The following ADAMTS9 variants were observed in gnomAD, a reference collection of about 807,000 sequenced individuals.
ADAMTS9 encodes the protein ADAM metallopeptidase with thrombospondin type 1 motif 9.
Under a neutral mutation model 257.1 loss-of-function variants are expected in ADAMTS9, and 107 were observed. The observed-to-expected ratio is 0.42, with a 90% CI of 0.36 to 0.49. The LOEUF (loss-of-function observed/expected upper bound fraction) is 0.49, where lower values mean the gene tolerates loss of function less well. Among genes scored for constraint, ADAMTS9 ranks in the 20% least tolerant of loss-of-function variants. The pLI is 0.03. For synonymous variants in ADAMTS9, 982 were observed against 880.9 expected (o/e 1.11, Z -2.03); for missense variants, 2,353 against 2,469.1 (o/e 0.95, Z 1.00).
At chr3:64,652,683 G>A (rs1315072001) in intron 8 of ADAMTS9, among the ~76,000 whole-genome samples, 4 of 152,242 alleles carry the variant, frequency 2.6e-5, no homozygotes, top group African/African-American at 7.2e-5. Context: ...CTTATTGGAC[G>A]CTTACGAACG....
intron 16 of ADAMTS9, among the ~76,000 whole-genome samples, chr3:64,630,193 C>A (rs937019787): frequency 6.6e-6 from 1 of 152,150 alleles, no homozygotes; most frequent in African/African-American, 2.4e-5. Flanking sequence ...TGACTCTACT[C>A]TCCATGTCCT....
intron 3 of ADAMTS9, among the ~76,000 whole-genome samples, chr3:64,673,557 G>T (rs1427780654): frequency 6.6e-6 from 1 of 152,182 alleles, no homozygotes; most frequent in South Asian, 2.1e-4. Flanking sequence ...ACGATGAGTT[G>T]CAATGTGTGG....
chr3:64,687,742 G>C lies in ADAMTS9; in HGVS notation c.-85C>G. ...GCGGCGGCGACGCGAGGCAGCGGCC[G>C]TGGAGAGCGCGCGGAGCCCGGCGCC... On this transcript the variant is annotated 5_prime_UTR_variant, in exon 1 of 40. Transcript: ENST00000498707. The surrounding 1 kb of genome is among the most constrained non-coding windows in gnomAD (Gnocchi z 4.4). The C allele has an allele frequency of 8.9e-7, 1 of 1,122,612 alleles. No homozygotes were observed. The highest frequency in any genetic ancestry group is 1.9e-5 in the South Asian group (1 of 51,308). The allele number at this position is 1,122,612 out of a possible 1,614,324, so 69.5% of individuals were successfully genotyped here.
In ADAMTS9 at chr3:64,541,052, GAGA is replaced by G. The variant is rs749968958; in HGVS notation, c.5521+40_5521+42del. Reference sequence around the variant, plus strand: ...AAGACATGCTTGCTGTCTGAATGGAGAGAAGAACGCACACGTTCCCAAAGGACT... The same window carrying G: ...AAGACATGCTTGCTGTCTGAATGGAGAGAACGCACACGTTCCCAAAGGACT... On this transcript the variant is annotated intron_variant, in intron 36 of 39. Transcript: ENST00000498707. The G allele has an allele frequency of 7.5e-6, 12 of 1,609,432 alleles. No homozygotes were observed. The South Asian group carries it at 1.2e-4, about 16-fold the overall frequency.
chr3:64,644,866 C>T (rs1443944631), intron 11 of ADAMTS9, among the ~76,000 whole-genome samples: 2 of 152,178 alleles, frequency 1.3e-5, no homozygotes, highest in African/African-American at 2.4e-5. Context: ...GTAGGTTTAT[C>T]AGAGCGCTAC....
At chr3:64,682,890 T>C (rs1701793274) in intron 2 of ADAMTS9, among the ~76,000 whole-genome samples, 1 of 152,090 alleles carries the variant, frequency 6.6e-6, no homozygotes, top group Non-Finnish European at 1.5e-5. Context: ...CCTGGGAAGG[T>C]TTTTTGTTTT....
At chr3:64,634,454 G>A (rs1213761638) in intron 12 of ADAMTS9, among the ~76,000 whole-genome samples, 2 of 152,192 alleles carry the variant, frequency 1.3e-5, no homozygotes, top group Non-Finnish European at 2.9e-5. Flanking sequence ...TAATGGGAAT[G>A]TGTTCATATT....
At position 64,641,875 on chromosome 3, in the gene ADAMTS9, G is replaced by A. The variant is rs752246499; in HGVS notation, c.1829C>T (p.Thr610Ile). The change falls in exon 12 of 40, where the codon ACA becomes ATA. Residue 610 changes from threonine to isoleucine, a missense_variant. Physicochemically the swap from Thr to Ile is moderately conservative, Grantham distance 89. This residue lies in a region of ADAMTS9 where 360 missense variants were observed against 458.1 expected (regional missense o/e 0.79). Transcript: ENST00000498707. ...CSRTCGGGIKTAIRECNRPEP... is the reference protein window; with the variant it reads ...CSRTCGGGIKIAIRECNRPEP... ...TGGTCTGTTGCACTCTCGAATGGCT[G>A]TTTTGATGCCCCCTCCACATGTTCT... 42 of 1,613,998 alleles carry A rather than the reference G, an allele frequency of 2.6e-5. No homozygotes were observed. The African/African-American group carries it at 5.6e-4, about 22-fold the overall frequency.
chr3:64,668,467 G>A (rs138214712), intron 3 of ADAMTS9, among the ~76,000 whole-genome samples: 6 of 152,286 alleles, frequency 3.9e-5, no homozygotes, highest in South Asian at 2.1e-4. Flanking sequence ...AGAGAGACCC[G>A]TGTGTAAATC....
intron 38 of ADAMTS9, among the ~76,000 whole-genome samples, chr3:64,525,315 T>C (rs1309951078): frequency 1.3e-5 from 2 of 152,220 alleles, no homozygotes; most frequent in South Asian, 4.1e-4. Flanking sequence ...TCTTTAATTA[T>C]GGCCTCATAT....
intron 38 of ADAMTS9, among the ~76,000 whole-genome samples, chr3:64,527,785 C>T (rs1399563160): frequency 6.6e-6 from 1 of 152,038 alleles, no homozygotes; most frequent in Non-Finnish European, 1.5e-5. Flanking sequence ...GCATTTTACT[C>T]TACTGGTCTG....
chr3:64,673,997 G>C (rs1442889394), intron 3 of ADAMTS9, among the ~76,000 whole-genome samples: 1 of 151,808 alleles, frequency 6.6e-6, no homozygotes, highest in East Asian at 1.9e-4. Flanking sequence ...TGAATAAGTG[G>C]GAACAAATGA....
intron 16 of ADAMTS9, among the ~76,000 whole-genome samples, chr3:64,623,061 A>G (rs903126300): frequency 6.6e-6 from 1 of 152,172 alleles, no homozygotes; most frequent in Non-Finnish European, 1.5e-5. Flanking sequence ...AGATGTTGAA[A>G]TCTGAAAATC....
intron 18 of ADAMTS9, 72 bp from the exon 19 acceptor site, chr3:64,621,312 G>A: frequency 6.7e-7 from 1 of 1,494,628 alleles, no homozygotes; most frequent in Non-Finnish European, 9.0e-7. Context: ...CCCCGGATTG[G>A]CAAGCATTTT....
At chr3:64,551,430 C>T (rs566687448) in intron 30 of ADAMTS9, among the ~76,000 whole-genome samples, 10 of 152,170 alleles carry the variant, frequency 6.6e-5, no homozygotes, top group African/African-American at 2.2e-4. Flanking sequence ...AGGATGATCT[C>T]GATCTCCTGA....
At chr3:64,561,840 G>T in intron 29 of ADAMTS9, 89 bp from the exon 30 acceptor site, 1 of 1,141,156 alleles carries the variant, frequency 8.8e-7, no homozygotes. Flanking sequence ...GGAGGGGAAT[G>T]CACTCCTAAT....
intron 28 of ADAMTS9, among the ~76,000 whole-genome samples, chr3:64,576,660 A>G (rs927828366): frequency 1.3e-5 from 2 of 152,164 alleles, no homozygotes; most frequent in African/African-American, 4.8e-5. Context: ...TTGGCAGGGA[A>G]CACCAAGGAA....
chr3:64,519,791 A>G (rs529183500), intron 39 of ADAMTS9, among the ~76,000 whole-genome samples: 2 of 152,288 alleles, frequency 1.3e-5, no homozygotes, highest in African/African-American at 4.8e-5. Context: ...TCAAAAGAAC[A>G]TACCTCAAAA....
chr3:64,687,580 C>T lies in ADAMTS9; in HGVS notation c.78G>A (p.Ala26=). 1 of 1,573,590 alleles carries T rather than the reference C, an allele frequency of 6.4e-7. No individual in the cohort carries two copies. The change falls in exon 1 of 40, where the codon GCG becomes GCA. Residue 26 remains alanine (A), a synonymous_variant. Transcript: ENST00000498707. The surrounding 1 kb of genome is among the most constrained non-coding windows in gnomAD (Gnocchi z 4.4). ...DLAEMGSPDA[A]AAVRKDRLHP... is the part of the protein sequence containing the mutation. The stretch of plus-strand genomic sequence containing the variant: ...GCAGCCTGTCCTTGCGCACGGCCGC[C>T]GCGGCGTCTGGGCTCCCCATCTCGG...
Sources: allele counts gnomAD v4.1 joint callset (sites outside exome capture counted in the v4.1 genomes callset), GRCh38; gene constraint gnomAD v4.1.1; regional missense constraint gnomAD v4.1.1; non-coding constraint Gnocchi (gnomAD v3.1); transcripts MANE v1.5; gene names NCBI Gene and HGNC (gene_info 2026-07-23, HGNC 2026-07-21).